FAM131A: variants seen among roughly 807,000 people sequenced by gnomAD.
The protein encoded by FAM131A is family with sequence similarity 131 member A, also known as protein FAM131A.
In FAM131A, 24 loss-of-function variants were observed where a neutral mutation model predicts 39.2. That is an observed-to-expected ratio of 0.61 (90% confidence interval 0.44 to 0.86). FAM131A has a LOEUF of 0.86. Ranked by LOEUF, FAM131A falls within the 40% of genes least tolerant of loss-of-function variation. The pLI is 0.00. For missense variants in FAM131A, 373 were observed against 481.2 expected (o/e 0.78, Z 2.10); for synonymous variants, 202 against 206.8 (o/e 0.98, Z 0.20).
In FAM131A at chr3:184,341,774, A is replaced by G; in HGVS notation, c.282A>G (p.Leu94=). ...VAMLPKSRRA[L]TIQEIAALAR... ...TGCTGCCCAAGTCCCGGCGAGCCCTAACTATCCAGGAGATCGCTGCGCTGG... is the reference window on the plus strand; with the variant it reads ...TGCTGCCCAAGTCCCGGCGAGCCCTGACTATCCAGGAGATCGCTGCGCTGG... The change falls in exon 3 of 6, where the codon CTA becomes CTG. Residue 94 remains leucine (L), a synonymous_variant. Transcript: ENST00000383847. 1 of 1,613,560 alleles carries G rather than the reference A, an allele frequency of 6.2e-7. No homozygotes were observed. Among genetic ancestry groups the G allele is most frequent in the Non-Finnish European group, 8.5e-7 (1 of 1,179,998 alleles).
At chr3:184,339,681 A>G (rs1258126064) in intron 2 of FAM131A, 3 of 152,202 alleles carry the variant, frequency 2.0e-5, no homozygotes, top group Admixed American at 6.5e-5. Context: ...GCTGGTCTCC[A>G]ACTCCCGACC....
Position 184,341,814 on chromosome 3 carries a change from C to A in FAM131A, c.322C>A (p.His108Asn). 6.2e-7 allele frequency: 1 copy of A among 1,614,186 alleles called. No individual in the cohort carries two copies. The change falls in exon 3 of 6, where the codon CAT becomes AAT. Residue 108 changes from histidine to asparagine, a missense_variant. This residue lies in a region of FAM131A where 221 missense variants were observed against 347.7 expected (regional missense o/e 0.64). Coordinates refer to ENST00000383847, the MANE Select transcript of FAM131A (RefSeq NM_144635.5). ...CGCTGCGCTGGCCAGGTCCTCCCTG[C>A]ATGGTATGCAGCCCCTCCCATGTTT... is the stretch of plus-strand genomic sequence containing the variant. Reference protein sequence around the residue: ...EIAALARSSLHGISQVVKDHV... With the variant: ...EIAALARSSLNGISQVVKDHV...
intron 2 of FAM131A, chr3:184,340,852 A>G (rs140886537): frequency 6.6e-6 from 1 of 152,426 alleles, no homozygotes; most frequent in East Asian, 1.9e-4. Flanking sequence ...GGGAGGACAG[A>G]CTACCAAGAG....
At chr3:184,338,657 GCGGGCCGGGAGGCCGCCCC>G in intron 2 of FAM131A, 128 bp downstream of exon 2, 1 of 1,323,018 alleles carries the variant, frequency 7.6e-7, no homozygotes. Context: ...CTATCCGGCG[GCGGGCCGGGAGGCCGCCCC>G]CGTGCCGGTC....
At chr3:184,340,041 G>A (rs935276073) in intron 2 of FAM131A, 3 of 152,216 alleles carry the variant, frequency 2.0e-5, no homozygotes, top group African/African-American at 7.2e-5. Flanking sequence ...GCCCAGGCTG[G>A]AGTGCAGTGG....
chr3:184,345,059 C>A lies in FAM131A; in HGVS notation c.*89C>A, dbSNP rs1727576280. 1 of 1,223,818 alleles carries A rather than the reference C, an allele frequency of 8.2e-7. No homozygotes were observed. Among genetic ancestry groups the A allele is most frequent in the Non-Finnish European group, 1.1e-6 (1 of 904,642 alleles). The allele number at this position is 1,223,818 out of a possible 1,614,324, so 75.8% of individuals were successfully genotyped here. ...CCAAGTGTGGGCTCAAGGCTCCCAG[C>A]AGAGCTCCACAGCCTAGAGGGCTCC... On this transcript the variant is annotated 3_prime_UTR_variant, in exon 6 of 6. Transcript: ENST00000383847.
chr3:184,336,538 C>T (rs576743470), upstream of FAM131A, among the ~76,000 whole-genome samples: 6 of 152,316 alleles, frequency 3.9e-5, no homozygotes, highest in South Asian at 4.1e-4. This position sits in a 1 kb window ranked among gnomAD's most constrained non-coding sequence, Gnocchi z 5.5. Flanking sequence ...TGGCCCTGTG[C>T]TGGGAACCTG....
intron 1 of FAM131A, 126 bp downstream of exon 1, chr3:184,337,844 G>C (rs918944773): frequency 2.1e-6 from 2 of 949,024 alleles, no homozygotes; most frequent in African/African-American, 3.3e-5. Flanking sequence ...GGGAGAACCA[G>C]GCTGGGGCCA....
intron 5 of FAM131A, chr3:184,343,179 T>G (rs912926939): frequency 7.2e-5 from 15 of 207,302 alleles, no homozygotes; most frequent in Non-Finnish European, 9.7e-5. Flanking sequence ...TGTGCAGCCA[T>G]GTCTCTGGGA....
chr3:184,338,106 A>C (rs1200734834), intron 1 of FAM131A, among the ~76,000 whole-genome samples: 1 of 152,062 alleles, frequency 6.6e-6, no homozygotes, highest in East Asian at 1.9e-4. Context: ...AACGGGAAGG[A>C]GAGTCAGAAT....
In FAM131A at chr3:184,344,398, G is replaced by C. The variant is rs192683693; in HGVS notation, c.626-97G>C. On this transcript the variant is annotated intron_variant, in intron 5 of 5. Coordinates refer to ENST00000383847, the MANE Select transcript of FAM131A (RefSeq NM_144635.5). ...GTTACCCAGCACCTATCCACCCCTA[G>C]AGCTATGCCAGGGGTGGAGTGGGGT... The C allele has an allele frequency of 1.4e-4, 165 of 1,209,930 alleles. No homozygotes were observed. In the East Asian group the frequency reaches 3.1e-3, roughly 23 times the overall value. 74.9% of individuals were successfully genotyped at this position (1,209,930 alleles called of 1,614,324 possible). A position where few individuals can be genotyped will look rare whatever the true frequency, so the allele number is the denominator to read the frequency against.
chr3:184,339,221 G>A (rs530550189), intron 2 of FAM131A: 2 of 152,334 alleles, frequency 1.3e-5, no homozygotes, highest in African/African-American at 2.4e-5. Flanking sequence ...GAGCTCCCTC[G>A]GGAGACAGAC....
chr3:184,342,316 AT>A lies in FAM131A; in HGVS notation c.508+77del, dbSNP rs754348451. Reference sequence around the variant, plus strand: ...CTGCTTTCTTTCTTTATTTTATTTAATTTTTTTTTGAGACGGAGTCTCACTC... The same window carrying A: ...CTGCTTTCTTTCTTTATTTTATTTAATTTTTTTTGAGACGGAGTCTCACTC... On this transcript the variant is annotated intron_variant, in intron 4 of 5. Transcript: ENST00000383847. This position sits in a 1 kb window ranked among gnomAD's most constrained non-coding sequence, Gnocchi z 4.6. 9.2e-5 allele frequency: 135 copies of A among 1,469,742 alleles called. No homozygotes were observed. The highest frequency in any genetic ancestry group is 2.3e-4 in the Middle Eastern group (1 of 4,342). The allele number at this position is 1,469,742 out of a possible 1,614,324, so 91.0% of individuals were successfully genotyped here. A position where few individuals can be genotyped will look rare whatever the true frequency, so the allele number is the denominator to read the frequency against.
chr3:184,338,762 T>A, intron 2 of FAM131A: 1 of 499,472 alleles, frequency 2.0e-6, no homozygotes, highest in Non-Finnish European at 3.5e-6. Flanking sequence ...CCGGGCCGTA[T>A]CCCGGGAGAC....
At position 184,338,537 on chromosome 3, in the gene FAM131A, G is replaced by A. The variant is rs1428884867; in HGVS notation, c.231+8G>A. 3 of 1,536,100 alleles carry A rather than the reference G, an allele frequency of 2.0e-6. No homozygotes were observed. The highest frequency in any genetic ancestry group is 2.6e-6 in the Non-Finnish European group (3 of 1,146,458). On this transcript the variant is annotated splice_region_variant and intron_variant, in intron 2 of 5. Coordinates refer to ENST00000383847, the MANE Select transcript of FAM131A (RefSeq NM_144635.5). ...AGTCAGGACTTGCCAGAGGTGCTGG[G>A]CCCCTGGTGGTGGGGGGAAGGAGGA...
At position 184,342,679 on chromosome 3, in the gene FAM131A, T is replaced by C. The variant is rs1275475375; in HGVS notation, c.509-65T>C. The C allele has an allele frequency of 3.2e-5, 45 of 1,425,786 alleles. No homozygotes were observed. The Admixed American group carries it at 7.9e-4, about 25-fold the overall frequency. The allele number at this position is 1,425,786 out of a possible 1,614,324, so 88.3% of individuals were successfully genotyped here. A position where few individuals can be genotyped will look rare whatever the true frequency, so the allele number is the denominator to read the frequency against. The stretch of plus-strand genomic sequence containing the variant: ...CCCATACCCTGTTTCTCCTCTCTCC[T>C]GTCTTCAAGCTGAGCCCTAGACTTA... On this transcript the variant is annotated intron_variant, in intron 4 of 5. Transcript: ENST00000383847. This position sits in a 1 kb window ranked among gnomAD's most constrained non-coding sequence, Gnocchi z 4.6.
upstream of FAM131A, chr3:184,336,062 G>C (rs1301253790): frequency 6.6e-6 from 1 of 152,390 alleles, no homozygotes; most frequent in African/African-American, 2.4e-5. The surrounding 1 kb of genome is among the most constrained non-coding windows in gnomAD (Gnocchi z 5.5). Context: ...CCCGAGCGCA[G>C]GCTAGCGTGC....
Position 184,345,754 on chromosome 3 carries a change from C to G in FAM131A, c.*784C>G. 5.1e-6 allele frequency: 3 copies of G among 590,952 alleles called. No individual in the cohort carries two copies. The highest frequency in any genetic ancestry group is 2.9e-5 in the East Asian group (1 of 34,468). 36.6% of individuals were successfully genotyped at this position (590,952 alleles called of 1,614,324 possible). On this transcript the variant is annotated 3_prime_UTR_variant, in exon 6 of 6. Transcript: ENST00000383847. ...CACAGCCAGCCGGGCTGCCCATTCA[C>G]GCAGAGCTCTCTGAGCGGGAGGTGG...
intron 1 of FAM131A, among the ~76,000 whole-genome samples, chr3:184,337,963 G>A (rs760648407): frequency 3.3e-5 from 5 of 152,186 alleles, no homozygotes; most frequent in Non-Finnish European, 7.3e-5. Context: ...TGAGGCTGGC[G>A]AGAGGAAAGA....
Sources: allele counts gnomAD v4.1 joint callset (sites outside exome capture counted in the v4.1 genomes callset), GRCh38; gene constraint gnomAD v4.1.1; regional missense constraint gnomAD v4.1.1; non-coding constraint Gnocchi (gnomAD v3.1); transcripts MANE v1.5; gene names NCBI Gene and HGNC (gene_info 2026-07-23, HGNC 2026-07-21).